ULK4: variants seen among roughly 807,000 people sequenced by gnomAD.
ULK4 encodes the protein unc-51 like kinase 4, also known as inactive serine/threonine-protein kinase ULK4.
ULK4 carries 133 observed loss-of-function variants against 160.6 expected under a neutral mutation model. That is an observed-to-expected ratio of 0.83 (90% CI 0.72 to 0.96). The LOEUF (loss-of-function observed/expected upper bound fraction) is 0.96. Ranked by LOEUF, ULK4 falls within the 40% of genes least tolerant of loss-of-function variation. ULK4 has a pLI of 0.00. For missense variants in ULK4, 1,580 were observed against 1,499.5 expected (o/e 1.05, Z -0.89); for synonymous variants, 534 against 539.8 (o/e 0.99, Z 0.15).
intron 22 of ULK4, among the ~76,000 whole-genome samples, chr3:41,748,769 C>T (rs184245655): frequency 9.9e-5 from 15 of 152,284 alleles, no homozygotes; most frequent in African/African-American, 3.6e-4. Flanking sequence ...TCTGTTTTCA[C>T]CCCCTTTCTT....
intron 34 of ULK4, among the ~76,000 whole-genome samples, chr3:41,438,823 C>G (rs186307655): frequency 6.6e-6 from 1 of 151,886 alleles, no homozygotes; most frequent in Non-Finnish European, 1.5e-5. Flanking sequence ...GAATGAGATC[C>G]CCGACTCAAG....
At chr3:41,772,156 G>C (rs1242602348) in intron 21 of ULK4, among the ~76,000 whole-genome samples, 1 of 152,144 alleles carries the variant, frequency 6.6e-6, no homozygotes, top group South Asian at 2.1e-4. Context: ...ACAATTAAAA[G>C]AACTAGAGAA....
intron 32 of ULK4, among the ~76,000 whole-genome samples, chr3:41,495,444 C>T (rs2084952002): frequency 6.6e-6 from 1 of 151,814 alleles, no homozygotes. Context: ...GGATTAAAGA[C>T]TTACATGTTA....
At chr3:41,417,846 T>C (rs751300528) in intron 34 of ULK4, among the ~76,000 whole-genome samples, 12 of 152,200 alleles carry the variant, frequency 7.9e-5, no homozygotes, top group Non-Finnish European at 1.5e-4. Flanking sequence ...ATTAAAAACA[T>C]ACTAACTACT....
chr3:41,891,992 A>G (rs1321129476), intron 16 of ULK4, among the ~76,000 whole-genome samples: 1 of 152,218 alleles, frequency 6.6e-6, no homozygotes, highest in Non-Finnish European at 1.5e-5. Flanking sequence ...CTATGTTTTT[A>G]ATTAAAAAAT....
At position 41,633,586 on chromosome 3, in the gene ULK4, T is replaced by C. The variant is rs115060618; in HGVS notation, c.3072-17869A>G. Among the ~76,000 whole-genome samples, 136 of 152,282 alleles carry C rather than the reference T, an allele frequency of 8.9e-4. 1 individual carries two copies. The highest frequency in any genetic ancestry group is 3.0e-3 in the African/African-American group (126 of 41,556). ...TAAAGCAATGTCATTACCAGATTTA[T>C]ATTTTTTGCAAAGATTATTCAGGCA... On this transcript the variant is annotated intron_variant, in intron 30 of 36. Coordinates refer to ENST00000301831, the MANE Select transcript of ULK4 (RefSeq NM_017886.4).
intron 21 of ULK4, among the ~76,000 whole-genome samples, chr3:41,779,859 T>G (rs1307319390): frequency 1.2e-5 from 1 of 84,280 alleles, no homozygotes; most frequent in Non-Finnish European, 2.3e-5. Flanking sequence ...GGGGGAGGGA[T>G]AGCATTGGGA....
chr3:41,868,808 T>TC lies in ULK4; in HGVS notation c.1656+15065dup, dbSNP rs201361500. Among the ~76,000 whole-genome samples, 1,321 of 151,778 alleles carry TC rather than the reference T, an allele frequency of 8.7e-3. 71 individuals carry two copies. Among genetic ancestry groups the TC allele is most frequent in the Admixed American group, 0.077 (1,174 of 15,208 alleles). On this transcript the variant is annotated intron_variant, in intron 17 of 36. Coordinates refer to ENST00000301831, the MANE Select transcript of ULK4 (RefSeq NM_017886.4). Reference sequence around the variant, plus strand: ...CACTGGACCAGCTAGGTCTTTTTTTTCCCCCCCAATATGACAATCTCTGCC... The same window carrying TC: ...CACTGGACCAGCTAGGTCTTTTTTTTCCCCCCCCAATATGACAATCTCTGCC...
At chr3:41,693,158 C>A (rs1559489415) in intron 27 of ULK4, among the ~76,000 whole-genome samples, 2 of 152,112 alleles carry the variant, frequency 1.3e-5, no homozygotes, top group Non-Finnish European at 2.9e-5. Context: ...ATTCCCATGG[C>A]CACATTAGGT....
At chr3:41,845,548 G>A (rs1379315373) in intron 17 of ULK4, among the ~76,000 whole-genome samples, 1 of 152,136 alleles carries the variant, frequency 6.6e-6, no homozygotes, top group Admixed American at 6.5e-5. Flanking sequence ...AGAGGATAGG[G>A]TCATAAAAAG....
intron 4 of ULK4, among the ~76,000 whole-genome samples, chr3:41,933,643 T>G (rs576980817): frequency 6.6e-6 from 1 of 152,074 alleles, no homozygotes; most frequent in Non-Finnish European, 1.5e-5. Flanking sequence ...AACTACAGCC[T>G]CTGGGACAAA....
intron 31 of ULK4, among the ~76,000 whole-genome samples, chr3:41,605,166 A>G (rs1487495838): frequency 4.6e-5 from 7 of 152,074 alleles, no homozygotes; most frequent in Non-Finnish European, 8.8e-5. Flanking sequence ...ATTAAAAAAA[A>G]TACTTAACTG....
intron 23 of ULK4, 34 bp from the exon 24 acceptor site, chr3:41,715,602 T>G (rs749200166): frequency 6.2e-7 from 1 of 1,613,132 alleles, no homozygotes; most frequent in South Asian, 1.1e-5. Context: ...ATGTGGAGGT[T>G]AAAAACCACA....
chr3:41,312,086 G>A (rs1175680900), intron 35 of ULK4, among the ~76,000 whole-genome samples: 3 of 151,872 alleles, frequency 2.0e-5, no homozygotes. Context: ...CTAACCTCCT[G>A]CCTCAGCCTC....
chr3:41,875,898 T>C (rs1697280161), intron 17 of ULK4, among the ~76,000 whole-genome samples: 1 of 150,064 alleles, frequency 6.7e-6, no homozygotes, highest in African/African-American at 2.5e-5. Context: ...TATTAAAACC[T>C]GACACTGCAT....
chr3:41,920,060 C>T (rs1699132154), intron 5 of ULK4, among the ~76,000 whole-genome samples: 1 of 152,176 alleles, frequency 6.6e-6, no homozygotes, highest in Non-Finnish European at 1.5e-5. Flanking sequence ...CATTCAGCTA[C>T]ATTCTTCTTT....
chr3:41,311,232 T>C (rs768938103), intron 35 of ULK4, among the ~76,000 whole-genome samples: 3 of 152,116 alleles, frequency 2.0e-5, no homozygotes, highest in South Asian at 2.1e-4. Flanking sequence ...GGATGCAAAA[T>C]ATTGATCCAG....
At chr3:41,645,386 T>A (rs1559457165) in intron 30 of ULK4, among the ~76,000 whole-genome samples, 1 of 152,176 alleles carries the variant, frequency 6.6e-6, no homozygotes, top group African/African-American at 2.4e-5. Flanking sequence ...GATTCTGGTA[T>A]GTTGTGTCTT....
chr3:41,882,571 C>G (rs1354327238), intron 17 of ULK4, among the ~76,000 whole-genome samples: 2 of 152,194 alleles, frequency 1.3e-5, no homozygotes, highest in East Asian at 3.9e-4. Flanking sequence ...TCCAACTGAT[C>G]TTCAAATTCA....
Sources: allele counts gnomAD v4.1 joint callset (sites outside exome capture counted in the v4.1 genomes callset), GRCh38; gene constraint gnomAD v4.1.1; transcripts MANE v1.5; gene names NCBI Gene and HGNC (gene_info 2026-07-23, HGNC 2026-07-21).